Variants in PPARGC1B observed in about 807,000 individuals in gnomAD.
PPARGC1B encodes peroxisome proliferator-activated receptor gamma coactivator 1-beta.
A neutral mutation model predicts 101.6 loss-of-function variants in PPARGC1B; 34 were observed. The ratio of observed to expected loss-of-function variants is 0.33; its 90% CI spans 0.25 to 0.45. PPARGC1B has a LOEUF of 0.45. Ranked by LOEUF, PPARGC1B falls within the 20% of genes least tolerant of loss-of-function variation. PPARGC1B has a pLI of 1.00. For missense variants in PPARGC1B, 1,234 were observed against 1,317.6 expected (o/e 0.94, Z 0.98); for synonymous variants, 548 against 539.3 (o/e 1.02, Z -0.22).
At position 149,854,911 on chromosome 5, in the gene PPARGC1B, T is replaced by A. The variant is rs1759909909; in HGVS notation, c.*7353T>A. The A allele has an allele frequency of 6.6e-6, 1 of 152,230 alleles. No individual in the cohort carries two copies. Among genetic ancestry groups the A allele is most frequent in the Admixed American group, 6.5e-5 (1 of 15,280 alleles). 9.4% of individuals were successfully genotyped at this position (152,230 alleles called of 1,614,324 possible). A position where few individuals can be genotyped will look rare whatever the true frequency, so the allele number is the denominator to read the frequency against. On this transcript the variant is annotated 3_prime_UTR_variant, in exon 12 of 12. Transcript: ENST00000309241. ...TCCCACTGTGGGGTTATTGTTTACA[T>A]CACAGAAACTGTAGAATCTCTATGC...
intron 1 of PPARGC1B, among the ~76,000 whole-genome samples, chr5:149,773,774 G>A (rs1030290218): frequency 1.3e-5 from 2 of 152,156 alleles, no homozygotes; most frequent in African/African-American, 2.4e-5. Context: ...GCTTGGAGGC[G>A]TGGGGGAGGC....
intron 1 of PPARGC1B, among the ~76,000 whole-genome samples, chr5:149,754,458 A>T (rs886666938): frequency 1.3e-5 from 2 of 152,226 alleles, no homozygotes; most frequent in Non-Finnish European, 2.9e-5. Flanking sequence ...TGAAGAGAGG[A>T]TATTAGTTCA....
intron 3 of PPARGC1B, among the ~76,000 whole-genome samples, chr5:149,828,331 A>G (rs1419140643): frequency 6.6e-6 from 1 of 152,198 alleles, no homozygotes; most frequent in Non-Finnish European, 1.5e-5. Flanking sequence ...TAGTACTTGT[A>G]TGTCCCTTAG....
At chr5:149,794,801 T>A (rs1757150025) in intron 1 of PPARGC1B, among the ~76,000 whole-genome samples, 1 of 152,230 alleles carries the variant, frequency 6.6e-6, no homozygotes, top group Non-Finnish European at 1.5e-5. Flanking sequence ...CTCAGCCCGC[T>A]GCTGATGAAG....
chr5:149,820,426 T>A lies in PPARGC1B; in HGVS notation c.79-7T>A. On this transcript the variant is annotated splice_region_variant and splice_polypyrimidine_tract_variant and intron_variant, in intron 1 of 11. Transcript: ENST00000309241. The stretch of plus-strand genomic sequence containing the variant: ...CTGATCCACCTCTTTCCTTCCTGTC[T>A]CCTCAGGGTGGAGGGTCCGGGGAGG... 6.2e-7 allele frequency: 1 copy of A among 1,612,304 alleles called. No homozygotes were observed. Among genetic ancestry groups the A allele is most frequent in the Non-Finnish European group, 8.5e-7 (1 of 1,178,864 alleles).
intron 1 of PPARGC1B, among the ~76,000 whole-genome samples, chr5:149,755,902 C>G (rs1383153050): frequency 6.6e-6 from 1 of 152,072 alleles, no homozygotes; most frequent in African/African-American, 2.4e-5. Context: ...CCTTGGCCCC[C>G]CAAAGTGCTG....
intron 1 of PPARGC1B, among the ~76,000 whole-genome samples, chr5:149,790,022 C>T (rs949599029): frequency 1.3e-5 from 2 of 152,186 alleles, no homozygotes; most frequent in Non-Finnish European, 2.9e-5. Context: ...CCCGCCTCTA[C>T]CACTTCTAGC....
chr5:149,782,813 GT>G (rs1756641677), intron 1 of PPARGC1B, among the ~76,000 whole-genome samples: 1 of 152,214 alleles, frequency 6.6e-6, no homozygotes, highest in Admixed American at 6.5e-5. Context: ...ACATTAGCAG[GT>G]TCCCTATTGT....
In PPARGC1B at chr5:149,779,566, A is replaced by C. The variant is rs779965858; in HGVS notation, c.79-40867A>C. Among the ~76,000 whole-genome samples, 19 of 152,344 alleles carry C rather than the reference A, an allele frequency of 1.2e-4. 1 individual carries two copies. In the South Asian group the frequency reaches 3.3e-3, roughly 27 times the overall value. On this transcript the variant is annotated intron_variant, in intron 1 of 11. Coordinates refer to ENST00000309241, the MANE Select transcript of PPARGC1B (RefSeq NM_133263.4). ...TGGAGCTCTCTAGAGAGAGAGAAAC[A>C]AGGAGACAAATCAGATAAAAAGCAA...
At chr5:149,740,082 A>G (rs1216770158) in intron 1 of PPARGC1B, 1 of 152,270 alleles carries the variant, frequency 6.6e-6, no homozygotes, top group Non-Finnish European at 1.5e-5. Flanking sequence ...AAAGCCATTG[A>G]TTAACTGTCC....
At chr5:149,795,218 C>T (rs568779237) in intron 1 of PPARGC1B, among the ~76,000 whole-genome samples, 1 of 152,162 alleles carries the variant, frequency 6.6e-6, no homozygotes, top group Admixed American at 6.5e-5. Context: ...TAGCTTAGGG[C>T]GTCAGATTTC....
At chr5:149,814,531 A>G (rs1757982356) in intron 1 of PPARGC1B, among the ~76,000 whole-genome samples, 1 of 152,102 alleles carries the variant, frequency 6.6e-6, no homozygotes, top group African/African-American at 2.4e-5. Context: ...GTGAGTACTG[A>G]CAGACCCAGA....
intron 1 of PPARGC1B, chr5:149,772,071 T>C: frequency 6.4e-7 from 1 of 1,563,008 alleles, no homozygotes; most frequent in Non-Finnish European, 8.7e-7. Flanking sequence ...TGGGGACCTC[T>C]GAGGGGCCTG....
At chr5:149,808,160 A>G (rs758038399) in intron 1 of PPARGC1B, among the ~76,000 whole-genome samples, 7 of 152,178 alleles carry the variant, frequency 4.6e-5, no homozygotes, top group Non-Finnish European at 8.8e-5. Context: ...GAATTTTGGT[A>G]TTTTGTTAAT....
intron 1 of PPARGC1B, among the ~76,000 whole-genome samples, chr5:149,797,087 C>T (rs1472074607): frequency 2.6e-5 from 4 of 152,182 alleles, no homozygotes; most frequent in African/African-American, 9.7e-5. Flanking sequence ...CACATCCCTC[C>T]TTGAACCCTG....
chr5:149,830,055 G>GAAAAAAAAAAAAAAAAAAAAAAAAAA (rs71587791), intron 3 of PPARGC1B, among the ~76,000 whole-genome samples: 2 of 89,816 alleles, frequency 2.2e-5, no homozygotes, highest in Non-Finnish European at 4.1e-5. Flanking sequence ...AAAAAAAAAA[G>GAAAAAAAAAAAAAAAAAAAAAAAAAA]AAAAAAAAAA....
At chr5:149,759,575 T>C (rs960017279) in intron 1 of PPARGC1B, among the ~76,000 whole-genome samples, 2 of 152,202 alleles carry the variant, frequency 1.3e-5, no homozygotes, top group South Asian at 2.1e-4. Flanking sequence ...TTGACCCAAG[T>C]TGGACTTGGG....
At chr5:149,779,649 C>T (rs1451388237) in intron 1 of PPARGC1B, among the ~76,000 whole-genome samples, 1 of 152,166 alleles carries the variant, frequency 6.6e-6, no homozygotes, top group East Asian at 1.9e-4. Context: ...GAGGGGGCAA[C>T]AGGGAAGCCT....
At chr5:149,815,405 T>C (rs1368254994) in intron 1 of PPARGC1B, among the ~76,000 whole-genome samples, 2 of 152,058 alleles carry the variant, frequency 1.3e-5, no homozygotes, top group Non-Finnish European at 2.9e-5. Flanking sequence ...AAAATGGTCA[T>C]GTACAAGCCA....
Sources: gnomAD v4.1 joint callset for allele counts (sites outside exome capture counted in the v4.1 genomes callset) on GRCh38, gnomAD v4.1.1 for gene constraint, MANE v1.5 for transcripts, NCBI Gene and HGNC (gene_info 2026-07-23, HGNC 2026-07-21) for gene names.